The following NRXN1 variants were observed in gnomAD, a reference collection of about 807,000 sequenced individuals.
NRXN1 encodes neurexin 1.
Under a neutral mutation model 150.9 loss-of-function variants are expected in NRXN1, and 39 were observed. The observed-to-expected ratio is 0.26, with a 90% CI of 0.20 to 0.34. The LOEUF is 0.34. NRXN1 is among the 10% of genes least tolerant of loss of function. The pLI, the probability that NRXN1 is intolerant of heterozygous loss-of-function variation, is 1.00. For synonymous variants in NRXN1, 924 were observed against 757.0 expected (o/e 1.22, Z -3.62); for missense variants, 1,815 against 1,949.9 (o/e 0.93, Z 1.30).
At chr2:50,086,005 G>C (rs192225165) in intron 19 of NRXN1, among the ~76,000 whole-genome samples, 17 of 152,250 alleles carry the variant, frequency 1.1e-4, no homozygotes, top group Non-Finnish European at 2.4e-4. Context: ...AACGAGCATT[G>C]TGATCTTGAG....
chr2:50,871,679 A>G (rs1361498131), intron 5 of NRXN1, among the ~76,000 whole-genome samples: 2 of 151,784 alleles, frequency 1.3e-5, no homozygotes, highest in African/African-American at 4.8e-5. Flanking sequence ...GAGAAAGGAG[A>G]AACTCAAAAC....
intron 18 of NRXN1, among the ~76,000 whole-genome samples, chr2:50,143,080 T>C (rs1444854223): frequency 6.7e-6 from 1 of 149,774 alleles, no homozygotes; most frequent in Non-Finnish European, 1.5e-5. Context: ...GGTTGAGAAC[T>C]AAACCAAGAA....
intron 5 of NRXN1, among the ~76,000 whole-genome samples, chr2:50,903,835 G>T (rs1683288224): frequency 6.6e-6 from 1 of 152,192 alleles, no homozygotes; most frequent in East Asian, 1.9e-4. Context: ...TTGAAATAAT[G>T]AGATTTGGAG....
chr2:50,202,702 G>A (rs1010169790), intron 18 of NRXN1, among the ~76,000 whole-genome samples: 11 of 152,208 alleles, frequency 7.2e-5, no homozygotes, highest in African/African-American at 2.6e-4. Flanking sequence ...AGGAGGAGAT[G>A]ATATATGAAT....
intron 19 of NRXN1, among the ~76,000 whole-genome samples, chr2:50,078,593 T>TG (rs1437236129): frequency 6.6e-6 from 1 of 152,130 alleles, no homozygotes; most frequent in African/African-American, 2.4e-5. Context: ...TGCATTAAAC[T>TG]GCCATGTTTC....
intron 17 of NRXN1, among the ~76,000 whole-genome samples, chr2:50,440,396 T>C (rs951178504): frequency 6.6e-6 from 1 of 151,244 alleles, no homozygotes; most frequent in African/African-American, 2.4e-5. Context: ...AATCTGACTA[T>C]AGTCTTTATT....
chr2:50,774,215 C>T (rs1023435494), intron 5 of NRXN1, among the ~76,000 whole-genome samples: 1 of 152,060 alleles, frequency 6.6e-6, no homozygotes, highest in South Asian at 2.1e-4. Context: ...AATTTCATCA[C>T]CATATCTAAA....
At chr2:50,132,082 G>T (rs1257098649) in intron 18 of NRXN1, among the ~76,000 whole-genome samples, 1 of 152,114 alleles carries the variant, frequency 6.6e-6, no homozygotes, top group East Asian at 1.9e-4. Context: ...TGTTTACAAA[G>T]GAATTGAAAT....
chr2:50,772,829 G>A (rs1035203029), intron 5 of NRXN1, among the ~76,000 whole-genome samples: 8 of 152,012 alleles, frequency 5.3e-5, no homozygotes, highest in African/African-American at 1.9e-4. Context: ...TCTGTAGGAC[G>A]TATTTGCACT....
intron 15 of NRXN1, among the ~76,000 whole-genome samples, chr2:50,492,102 G>A (rs997183457): frequency 1.1e-4 from 16 of 152,228 alleles, no homozygotes; most frequent in East Asian, 1.9e-4. Context: ...AGGAGGAATC[G>A]CACCAACCAT....
chr2:50,082,447 G>A (rs1698110222), intron 19 of NRXN1, among the ~76,000 whole-genome samples: 1 of 152,226 alleles, frequency 6.6e-6, no homozygotes, highest in African/African-American at 2.4e-5. Flanking sequence ...ATTTTATGAA[G>A]GGCTGCTATT....
intron 5 of NRXN1, among the ~76,000 whole-genome samples, chr2:50,873,827 C>T (rs536986386): frequency 1.3e-5 from 2 of 151,852 alleles, no homozygotes; most frequent in African/African-American, 4.8e-5. Flanking sequence ...ATTTATGATG[C>T]TCTGCAAAAA....
intron 5 of NRXN1, among the ~76,000 whole-genome samples, chr2:50,829,999 G>GGAAAAAAAAAAAAA (rs1425873902): frequency 1.4e-4 from 8 of 58,178 alleles, no homozygotes; most frequent in East Asian, 7.6e-4. Context: ...CTGCCTGCTG[G>GGAAAAAAAAAAAAA]AAAAAAAAAA....
intron 5 of NRXN1, among the ~76,000 whole-genome samples, chr2:50,913,830 G>C (rs945344958): frequency 6.6e-6 from 1 of 151,628 alleles, no homozygotes; most frequent in African/African-American, 2.4e-5. Flanking sequence ...GAATGCAAAA[G>C]AATACATCCC....
chr2:50,573,057 C>T (rs1670886233), intron 8 of NRXN1, among the ~76,000 whole-genome samples: 1 of 152,050 alleles, frequency 6.6e-6, no homozygotes, highest in African/African-American at 2.4e-5. Flanking sequence ...GTTAAAAATG[C>T]ATTATTATAT....
intron 5 of NRXN1, among the ~76,000 whole-genome samples, chr2:50,705,346 C>T (rs1482184966): frequency 6.6e-6 from 1 of 151,944 alleles, no homozygotes. Context: ...ATAGATAAAA[C>T]TGAATCAGAC....
At chr2:50,205,297 T>G (rs1032152386) in intron 18 of NRXN1, among the ~76,000 whole-genome samples, 1 of 152,060 alleles carries the variant, frequency 6.6e-6, no homozygotes, top group Non-Finnish European at 1.5e-5. Context: ...TGAGTGTAAG[T>G]GCTATAAAAG....
At chr2:50,212,644 T>C (rs1165898594) in intron 18 of NRXN1, among the ~76,000 whole-genome samples, 4 of 151,884 alleles carry the variant, frequency 2.6e-5, no homozygotes. Flanking sequence ...ACAGTTCCTT[T>C]ATCTGAGTGA....
chr2:50,975,385 G>T lies in NRXN1; in HGVS notation c.773-49430C>A, dbSNP rs375775831. On this transcript the variant is annotated intron_variant, in intron 2 of 22. Coordinates refer to ENST00000401669, the MANE Select transcript of NRXN1 (RefSeq NM_001330078.2). ...CCATTTGAAAAACAGTGACTTAAAT[G>T]GAATCATTGCATACATACACACATA... Among the ~76,000 whole-genome samples the T allele has an allele frequency of 1.3e-4, 20 of 152,088 alleles. 1 individual carries two copies. The East Asian group carries it at 2.9e-3, about 22-fold the overall frequency.
Sources: gnomAD v4.1 joint callset for allele counts (sites outside exome capture counted in the v4.1 genomes callset) on GRCh38, gnomAD v4.1.1 for gene constraint, MANE v1.5 for transcripts, NCBI Gene and HGNC (gene_info 2026-07-23, HGNC 2026-07-21) for gene names.